PTPRU: variants seen among roughly 807,000 people sequenced by gnomAD.
PTPRU encodes receptor-type tyrosine-protein phosphatase U.
Under a neutral mutation model 166.3 loss-of-function variants are expected in PTPRU, and 69 were observed. That is an observed-to-expected ratio of 0.41 (90% CI 0.34 to 0.51). PTPRU has a LOEUF of 0.51. Among genes scored for constraint, PTPRU ranks in the 20% least tolerant of loss-of-function variants. The pLI is 0.09. For synonymous variants in PTPRU, 793 were observed against 814.0 expected (o/e 0.97, Z 0.44); for missense variants, 1,657 against 2,013.7 (o/e 0.82, Z 3.39).
rs749753031 is a variant in PTPRU, at chr1:29,320,730, C to T, written c.3733C>T (p.Gln1245Ter). 1 of 1,608,354 alleles carries T rather than the reference C, an allele frequency of 6.2e-7. No homozygotes were observed. The highest frequency in any genetic ancestry group is 8.5e-7 in the Non-Finnish European group (1 of 1,175,606). ...CTTCATCGTGACCCTGCACCCGCTG[C>T]AGAGCACCACGCCCGACTTCTGGCG... ...AAFIVTLHPL[Q>*]STTPDFWRLV... The change falls in exon 26 of 30, where the codon CAG becomes TAG. Residue 1245 changes from glutamine to a stop codon, truncating the protein, a stop_gained. Transcript: ENST00000373779. LOFTEE classifies it high-confidence loss of function. The surrounding 1 kb of genome is among the most constrained non-coding windows in gnomAD (Gnocchi z 5.2).
chr1:29,248,490 A>T (rs909040416), intron 1 of PTPRU, among the ~76,000 whole-genome samples: 3 of 152,194 alleles, frequency 2.0e-5, no homozygotes, highest in African/African-American at 7.2e-5. Flanking sequence ...GTGAAATCCC[A>T]GCCCCTAAAT....
At chr1:29,242,436 C>T (rs1021882755) in intron 1 of PTPRU, among the ~76,000 whole-genome samples, 2 of 152,198 alleles carry the variant, frequency 1.3e-5, no homozygotes, top group Non-Finnish European at 2.9e-5. Flanking sequence ...CAGCCTAGAG[C>T]TGTGTTATCT....
At position 29,279,742 on chromosome 1, in the gene PTPRU, T is replaced by C; in HGVS notation, c.1765+85T>C. 2 of 1,479,550 alleles carry C rather than the reference T, an allele frequency of 1.4e-6. No individual in the cohort carries two copies. Among genetic ancestry groups the C allele is most frequent in the South Asian group, 2.3e-5 (2 of 86,936 alleles). The allele number at this position is 1,479,550 out of a possible 1,614,324, so 91.7% of individuals were successfully genotyped here. ...ATGGGCAGAAGGGAAATGGGGGGCA[T>C]CCTGGGGGTAGTTACAGAGGGCCCC... On this transcript the variant is annotated intron_variant, in intron 10 of 29. Coordinates refer to ENST00000373779, the MANE Select transcript of PTPRU (RefSeq NM_133178.4). The surrounding 1 kb of genome is among the most constrained non-coding windows in gnomAD (Gnocchi z 5.2).
chr1:29,284,080 G>T, intron 13 of PTPRU, 104 bp downstream of exon 13: 2 of 1,454,944 alleles, frequency 1.4e-6, no homozygotes. Context: ...GTAGAGGAGG[G>T]TGGTTGGGCA....
chr1:29,247,509 C>T (rs1435207387), intron 1 of PTPRU, among the ~76,000 whole-genome samples: 1 of 152,250 alleles, frequency 6.6e-6, no homozygotes, highest in Admixed American at 6.5e-5. Context: ...TTATGAAGTA[C>T]AGATCGTCAC....
Position 29,236,761 on chromosome 1 carries a change from G to C in PTPRU, c.73+44G>C. The C allele has an allele frequency of 1.5e-6, 2 of 1,376,658 alleles. No individual in the cohort carries two copies. The highest frequency in any genetic ancestry group is 9.4e-7 in the Non-Finnish European group (1 of 1,064,786). 85.3% of individuals were successfully genotyped at this position (1,376,658 alleles called of 1,614,324 possible). On this transcript the variant is annotated intron_variant, in intron 1 of 29. Coordinates refer to ENST00000373779, the MANE Select transcript of PTPRU (RefSeq NM_133178.4). This position sits in a 1 kb window ranked among gnomAD's most constrained non-coding sequence, Gnocchi z 4.6. ...GACCGAGCCTGCCCCGCCGAGCCTC[G>C]GGGCCCGTGGCGTAGCTCGGAAGAA...
chr1:29,322,638 C>T lies in PTPRU; in HGVS notation c.3829-733C>T, dbSNP rs190249727. ...TGTGGTCAGAGGGGATTGATGAGCA[C>T]GGTGTCTTTTTGGGAGAGGATGGGA... On this transcript the variant is annotated intron_variant, in intron 26 of 29. Transcript: ENST00000373779. Among the ~76,000 whole-genome samples the T allele has an allele frequency of 2.2e-3, 331 of 152,110 alleles. 1 individual carries two copies. Among genetic ancestry groups the T allele is most frequent in the African/African-American group, 7.3e-3 (302 of 41,482 alleles).
Position 29,325,346 on chromosome 1 carries a change from G to A in PTPRU, c.4248+20G>A, listed in dbSNP as rs751650460. 3 of 1,612,208 alleles carry A rather than the reference G, an allele frequency of 1.9e-6. No individual in the cohort carries two copies. Among genetic ancestry groups the A allele is most frequent in the Admixed American group, 3.3e-5 (2 of 59,998 alleles). On this transcript the variant is annotated intron_variant, in intron 29 of 29. Coordinates refer to ENST00000373779, the MANE Select transcript of PTPRU (RefSeq NM_133178.4). ...ACCATGGTGAGGGGCTGTGTCCCGT[G>A]CCCAGCCACTTCCACCTTCCTGGTC...
rs995459505 is a variant in PTPRU, at chr1:29,279,961, G to A, written c.1766-78G>A. On this transcript the variant is annotated intron_variant, in intron 10 of 29. Transcript: ENST00000373779. This position sits in a 1 kb window ranked among gnomAD's most constrained non-coding sequence, Gnocchi z 5.2. Reference sequence around the variant, plus strand: ...CTGAAGTAGGGGAGATCTGAGGACTGTGGTCAAGGAGGCTGGAAGCCTGGT... The same window carrying A: ...CTGAAGTAGGGGAGATCTGAGGACTATGGTCAAGGAGGCTGGAAGCCTGGT... 8 of 1,409,004 alleles carry A rather than the reference G, an allele frequency of 5.7e-6. No individual in the cohort carries two copies. The Admixed American group carries it at 9.1e-5, about 16-fold the overall frequency. 87.3% of individuals were successfully genotyped at this position (1,409,004 alleles called of 1,614,324 possible). A position where few individuals can be genotyped will look rare whatever the true frequency, so the allele number is the denominator to read the frequency against.
At chr1:29,312,477 C>G in intron 21 of PTPRU, 75 bp from the exon 22 acceptor site, 2 of 1,375,558 alleles carry the variant, frequency 1.5e-6, no homozygotes, top group Non-Finnish European at 2.0e-6. Context: ...TACTGCAGTG[C>G]CTGGCACACA....
chr1:29,259,834 G>T, intron 5 of PTPRU, 36 bp from the exon 6 acceptor site: 1 of 1,506,526 alleles, frequency 6.6e-7, no homozygotes, highest in East Asian at 2.5e-5. Context: ...CCCTCGCTCC[G>T]AGGCGCCCCT....
In PTPRU at chr1:29,238,602, C is replaced by T. The variant is rs538026879; in HGVS notation, c.73+1885C>T. Among the ~76,000 whole-genome samples the T allele has an allele frequency of 5.9e-5, 9 of 152,358 alleles. No individual in the cohort carries two copies. In the South Asian group the frequency reaches 1.9e-3, roughly 32 times the overall value. ...CACTGGCCAGCGCTTGGGCCTCGCC[C>T]TGCAGCTCCGGGGCCATAGGGCACA... On this transcript the variant is annotated intron_variant, in intron 1 of 29. Transcript: ENST00000373779. This position sits in a 1 kb window ranked among gnomAD's most constrained non-coding sequence, Gnocchi z 6.1.
chr1:29,293,161 G>A (rs1686720621), intron 15 of PTPRU, among the ~76,000 whole-genome samples: 1 of 152,158 alleles, frequency 6.6e-6, no homozygotes, highest in Non-Finnish European at 1.5e-5. Flanking sequence ...TGTATTTTTA[G>A]TAGATGGGGT....
intron 26 of PTPRU, among the ~76,000 whole-genome samples, chr1:29,321,196 ATTTTTTTT>A (rs71025210): frequency 3.0e-5 from 3 of 100,396 alleles, no homozygotes; most frequent in East Asian, 5.8e-4. Context: ...CAGCTGTCTG[ATTTTTTTT>A]TTTTTTTTTT....
In PTPRU at chr1:29,315,931, C is replaced by T; in HGVS notation, c.3364-71C>T. On this transcript the variant is annotated intron_variant, in intron 23 of 29. Coordinates refer to ENST00000373779, the MANE Select transcript of PTPRU (RefSeq NM_133178.4). The surrounding 1 kb of genome is among the most constrained non-coding windows in gnomAD (Gnocchi z 4.5). ...ACACCCTGCTTCAACCTTGAGCTTGCTTAAGCCCCATCACCACAGATCTCC... is the reference window on the plus strand; with the variant it reads ...ACACCCTGCTTCAACCTTGAGCTTGTTTAAGCCCCATCACCACAGATCTCC... 1.3e-6 allele frequency: 2 copies of T among 1,563,374 alleles called. No homozygotes were observed. The highest frequency in any genetic ancestry group is 1.2e-5 in the South Asian group (1 of 84,150).
chr1:29,302,572 CAG>C (rs1370193763), intron 15 of PTPRU, among the ~76,000 whole-genome samples: 8 of 151,740 alleles, frequency 5.3e-5, no homozygotes, highest in African/African-American at 1.5e-4. Flanking sequence ...TTTTTTGAGA[CAG>C]AGTCTCGCAC....
chr1:29,263,442 T>C (rs908388652), intron 7 of PTPRU, among the ~76,000 whole-genome samples: 175 of 152,380 alleles, frequency 1.1e-3, no homozygotes, highest in African/African-American at 4.0e-3. Flanking sequence ...GTTTACACTT[T>C]TCAGCTATTA....
intron 15 of PTPRU, among the ~76,000 whole-genome samples, chr1:29,295,123 G>A (rs1462720165): frequency 2.6e-5 from 4 of 152,044 alleles, no homozygotes; most frequent in Admixed American, 1.3e-4. Context: ...TGCAACCTTC[G>A]TCTTCCGGGC....
chr1:29,279,431 A>G lies in PTPRU; in HGVS notation c.1564-25A>G. 1 of 1,608,970 alleles carries G rather than the reference A, an allele frequency of 6.2e-7. No homozygotes were observed. Reference sequence around the variant, plus strand: ...GGGATGCTCTGACCATCCAGTGCCCACCTGCCTGCCAATCCTGCCCCCAGA... The same window carrying G: ...GGGATGCTCTGACCATCCAGTGCCCGCCTGCCTGCCAATCCTGCCCCCAGA... On this transcript the variant is annotated intron_variant, in intron 9 of 29. Transcript: ENST00000373779. The surrounding 1 kb of genome is among the most constrained non-coding windows in gnomAD (Gnocchi z 5.2).
Sources: gnomAD v4.1 joint callset for allele counts (sites outside exome capture counted in the v4.1 genomes callset) on GRCh38, gnomAD v4.1.1 for gene constraint, Gnocchi (gnomAD v3.1) non-coding constraint, MANE v1.5 for transcripts, NCBI Gene and HGNC (gene_info 2026-07-23, HGNC 2026-07-21) for gene names.